The following NFU1 variants were observed in gnomAD, a reference collection of about 807,000 sequenced individuals.
NFU1 encodes NFU1 iron-sulfur cluster scaffold, also known as NFU1 iron-sulfur cluster scaffold homolog, mitochondrial.
A neutral mutation model predicts 32.2 loss-of-function variants in NFU1; 30 were observed. The ratio of observed to expected loss-of-function variants is 0.93; its 90% confidence interval spans 0.70 to 1.26. The LOEUF (loss-of-function observed/expected upper bound fraction) is 1.26, where lower values mean the gene tolerates loss of function less well. NFU1 is among the 50% of genes most tolerant of loss of function. The probability of loss-of-function intolerance (pLI) is 0.00; values close to 1 mark genes in which losing one functional copy is unlikely to be tolerated. For synonymous variants in NFU1, 112 were observed against 104.6 expected, an observed-to-expected ratio of 1.07 and a Z score of -0.43; for missense variants, 306 against 306.6, an observed-to-expected ratio of 1.00 and a Z score of 0.02.
chr2:69,410,871 G>A (rs954295878), intron 5 of NFU1: 1 of 152,076 alleles, frequency 6.6e-6, no homozygotes, highest in African/African-American at 2.4e-5. Flanking sequence ...TCTTGACATG[G>A]TTTTTTAGAG....
intron 6 of NFU1, among the ~76,000 whole-genome samples, chr2:69,403,513 C>A (rs1672592574): frequency 6.6e-6 from 1 of 151,908 alleles, no homozygotes; most frequent in Non-Finnish European, 1.5e-5. Flanking sequence ...GCCTCAGGAA[C>A]AGCTGAGACT....
At chr2:69,423,237 TGTGTGA>T (rs1421644262) in intron 3 of NFU1, among the ~76,000 whole-genome samples, 9 of 41,694 alleles carry the variant, frequency 2.2e-4, no homozygotes, top group African/African-American at 1.2e-3. Context: ...ATGGGCTCTC[TGTGTGA>T]GTGTGTGTGT....
chr2:69,408,506 G>T (rs991985963), intron 5 of NFU1, among the ~76,000 whole-genome samples: 12 of 152,004 alleles, frequency 7.9e-5, no homozygotes, highest in African/African-American at 2.7e-4. Context: ...GATCACTTGA[G>T]GTCAGGAGTT....
At chr2:69,437,038 G>C (rs1673864810) in intron 1 of NFU1, among the ~76,000 whole-genome samples, 2 of 152,210 alleles carry the variant, frequency 1.3e-5, no homozygotes, top group Admixed American at 1.3e-4. Context: ...CTGGGGGCGG[G>C]AGAGGCACAC....
rs1262744797 is a variant in NFU1, at chr2:69,400,423, T to A, written c.661A>T (p.Lys221Ter). 1.2e-6 allele frequency: 2 copies of A among 1,614,064 alleles called. No individual in the cohort carries two copies. Among genetic ancestry groups the A allele is most frequent in the African/African-American group, 2.7e-5 (2 of 74,936 alleles). Residue 221 changes from lysine (K) to a stop codon, truncating the protein, a stop_gained, in exon 7 of 8, where the codon AAA (lysine) becomes TAA (stop). Coordinates refer to ENST00000410022, the MANE Select transcript of NFU1 (RefSeq NM_001002755.4). LOFTEE classifies it high-confidence loss of function. Reference sequence around the variant, plus strand: ...TGCAGCATGTTCTGAATTCCATTTTTCAGAGTAATGATTGAACTAGGGCAG... The same window carrying A: ...TGCAGCATGTTCTGAATTCCATTTTACAGAGTAATGATTGAACTAGGGCAG... ...TSCPSSIITL[K>*]NGIQNMLQFY...
intron 4 of NFU1, among the ~76,000 whole-genome samples, chr2:69,418,117 G>GT (rs1482246809): frequency 6.6e-6 from 1 of 151,920 alleles, no homozygotes; most frequent in African/African-American, 2.4e-5. Flanking sequence ...GAAGAATGGG[G>GT]GGCTGGACGT....
intron 2 of NFU1, among the ~76,000 whole-genome samples, chr2:69,430,648 T>C (rs773439296): frequency 8.5e-5 from 13 of 152,248 alleles, no homozygotes; most frequent in Non-Finnish European, 1.3e-4. Flanking sequence ...GAAAAGCCTA[T>C]ATGACCACAT....
At chr2:69,439,048 TTATCA>T (rs1673960042), upstream of NFU1, among the ~76,000 whole-genome samples, 1 of 152,126 alleles carries the variant, frequency 6.6e-6, no homozygotes, top group African/African-American at 2.4e-5. Context: ...GATGGATTCC[TTATCA>T]TAAGAAAAAT....
intron 7 of NFU1, among the ~76,000 whole-genome samples, chr2:69,399,698 T>C (rs1201619158): frequency 6.6e-6 from 1 of 152,104 alleles, no homozygotes; most frequent in Non-Finnish European, 1.5e-5. Flanking sequence ...TATAAAACAC[T>C]GTGTTACATT....
At chr2:69,425,903 A>G (rs144420171) in intron 2 of NFU1, among the ~76,000 whole-genome samples, 1 of 152,338 alleles carries the variant, frequency 6.6e-6, no homozygotes, top group East Asian at 1.9e-4. Flanking sequence ...CTAATGGTAC[A>G]GTAAATAACA....
chr2:69,424,684 T>C (rs1172721585), intron 2 of NFU1, among the ~76,000 whole-genome samples: 3 of 152,258 alleles, frequency 2.0e-5, no homozygotes, highest in East Asian at 1.9e-4. Flanking sequence ...GAGTCCTATA[T>C]ATAGTCTATT....
intron 6 of NFU1, among the ~76,000 whole-genome samples, chr2:69,402,507 G>C (rs1320910092): frequency 6.6e-6 from 1 of 152,142 alleles, no homozygotes; most frequent in African/African-American, 2.4e-5. Flanking sequence ...GGCATCTTCT[G>C]ATGAAGAGAC....
At chr2:69,405,888 T>C in intron 6 of NFU1, 134 bp downstream of exon 6, 2 of 658,440 alleles carry the variant, frequency 3.0e-6, no homozygotes, top group Non-Finnish European at 5.5e-6. Context: ...TTGTCACGGC[T>C]ACCTGTTGTG....
At chr2:69,400,564 C>T (rs1558807187) in intron 6 of NFU1, 26 bp from the exon 7 acceptor site, 11 of 1,596,194 alleles carry the variant, frequency 6.9e-6, no homozygotes, top group Non-Finnish European at 8.6e-6. Flanking sequence ...ATATTTATGA[C>T]ATATTCTTTA....
intron 7 of NFU1, among the ~76,000 whole-genome samples, chr2:69,400,118 C>G (rs1249363313): frequency 6.6e-6 from 1 of 152,098 alleles, no homozygotes; most frequent in Non-Finnish European, 1.5e-5. Flanking sequence ...GGTGATCCAC[C>G]CACCTCAGCC....
chr2:69,397,554 T>C (rs541546312), intron 7 of NFU1, among the ~76,000 whole-genome samples: 126 of 152,072 alleles, frequency 8.3e-4, no homozygotes, highest in Admixed American at 1.4e-3. Flanking sequence ...TCCACCAAAG[T>C]ATCAACTAAC....
At position 69,424,138 on chromosome 2, in the gene NFU1, C is replaced by A. The variant is rs542657535; in HGVS notation, c.167-421G>T. The stretch of plus-strand genomic sequence containing the variant: ...AGTGAGCCGAGATTGCACCACTGCA[C>A]TCCAGCCTGGTGACAAAGTGAGACT... On this transcript the variant is annotated intron_variant, in intron 2 of 7. Coordinates refer to ENST00000410022, the MANE Select transcript of NFU1 (RefSeq NM_001002755.4). Among the ~76,000 whole-genome samples, 109 of 124,280 alleles carry A rather than the reference C, an allele frequency of 8.8e-4. 1 individual carries two copies. Among genetic ancestry groups the A allele is most frequent in the South Asian group, 5.2e-4 (2 of 3,846 alleles). The allele number at this position is 124,280 out of a possible 152,430, so 81.5% of individuals were successfully genotyped here.
At chr2:69,406,647 T>C (rs996335927) in intron 5 of NFU1, among the ~76,000 whole-genome samples, 2 of 152,216 alleles carry the variant, frequency 1.3e-5, no homozygotes, top group African/African-American at 4.8e-5. Flanking sequence ...CACAGCTCAC[T>C]GCAGCCTCAA....
Position 69,415,917 on chromosome 2 carries a change from A to T in NFU1, c.370-618T>A, listed in dbSNP as rs200761141. Among the ~76,000 whole-genome samples the T allele has an allele frequency of 2.6e-5, 4 of 152,168 alleles. No homozygotes were observed. The East Asian group carries it at 7.7e-4, about 29-fold the overall frequency. On this transcript the variant is annotated intron_variant, in intron 4 of 7. Coordinates refer to ENST00000410022, the MANE Select transcript of NFU1 (RefSeq NM_001002755.4). ...TGAGGCAAGAGGATTGCTTGAGTCC[A>T]GGAGTTTAAGACTAGCCTGGGCAAC...
Sources: allele counts gnomAD v4.1 joint callset (sites outside exome capture counted in the v4.1 genomes callset), GRCh38; gene constraint gnomAD v4.1.1; transcripts MANE v1.5; gene names NCBI Gene and HGNC (gene_info 2026-07-23, HGNC 2026-07-21).